Variants in GNB4 observed in about 807,000 individuals in gnomAD.
The protein encoded by GNB4 is guanine nucleotide-binding protein subunit beta-4.
Under a neutral mutation model 45.2 loss-of-function variants are expected in GNB4, and 28 were observed. The ratio of observed to expected loss-of-function variants is 0.62; its 90% confidence interval spans 0.46 to 0.85. The LOEUF is 0.85. Among genes scored for constraint, GNB4 ranks in the 40% least tolerant of loss-of-function variants. GNB4 has a pLI of 0.00. For synonymous variants in GNB4, 132 were observed against 143.7 expected (o/e 0.92, Z 0.58); for missense variants, 321 against 425.4 (o/e 0.75, Z 2.16).
the GNB4 span, among the ~76,000 whole-genome samples, chr3:179,478,148 A>C: frequency 6.6e-6 from 1 of 152,162 alleles, no homozygotes; most frequent in East Asian, 1.9e-4. Flanking sequence ...GACCAAACTC[A>C]CTTCTAGAAC....
the GNB4 span, among the ~76,000 whole-genome samples, chr3:179,489,006 AAAAAAAAAAAAAAATATAT>A: frequency 2.3e-5 from 1 of 43,690 alleles, no homozygotes; most frequent in African/African-American, 1.0e-4. Context: ...AAAAAAAAAA[AAAAAAAAAAAAAAATATAT>A]ATATATATAT....
the GNB4 span, among the ~76,000 whole-genome samples, chr3:179,521,022 G>T: frequency 6.6e-6 from 1 of 152,098 alleles, no homozygotes; most frequent in African/African-American, 2.4e-5. Context: ...AGATTGTTCA[G>T]GCCCCCTCCC....
At chr3:179,448,808 G>A (rs1043102959) in intron 1 of GNB4, among the ~76,000 whole-genome samples, 6 of 152,186 alleles carry the variant, frequency 3.9e-5, no homozygotes, top group Admixed American at 3.3e-4. Flanking sequence ...GCCAGACGCC[G>A]TGGCTCACGC....
rs566643389 is a variant in GNB4, at chr3:179,397,563, T to C, written c.*3650A>G. 2 of 152,748 alleles carry C rather than the reference T, an allele frequency of 1.3e-5. No homozygotes were observed. The highest frequency in any genetic ancestry group is 3.9e-4 in the East Asian group (2 of 5,180). The allele number at this position is 152,748 out of a possible 1,614,324, so 9.5% of individuals were successfully genotyped here. Reference sequence around the variant, plus strand: ...TGAACAGGCCCTTTTGCTGTTGAGATATGAAGCCCAAATCTTTGCCTCTGA... The same window carrying C: ...TGAACAGGCCCTTTTGCTGTTGAGACATGAAGCCCAAATCTTTGCCTCTGA... On this transcript the variant is annotated 3_prime_UTR_variant, in exon 10 of 10. Coordinates refer to ENST00000232564, the MANE Select transcript of GNB4 (RefSeq NM_021629.4).
the GNB4 span, among the ~76,000 whole-genome samples, chr3:179,462,962 A>C: frequency 3.9e-5 from 6 of 152,250 alleles, no homozygotes; most frequent in Admixed American, 3.9e-4. Context: ...AGCAACAAAG[A>C]CAGAAGGGAG....
Position 179,400,197 on chromosome 3 carries a change from C to T in GNB4, c.*1016G>A, listed in dbSNP as rs1463349211. On this transcript the variant is annotated 3_prime_UTR_variant, in exon 10 of 10. Coordinates refer to ENST00000232564, the MANE Select transcript of GNB4 (RefSeq NM_021629.4). ...ACATCAATTCAGATTTTATAGTATG[C>T]AAACATGAAATAAACCACCGTATTA... The T allele has an allele frequency of 1.3e-5, 2 of 152,136 alleles. No individual in the cohort carries two copies. Among genetic ancestry groups the T allele is most frequent in the East Asian group, 3.9e-4 (2 of 5,192 alleles). The allele number at this position is 152,136 out of a possible 1,614,324, so 9.4% of individuals were successfully genotyped here. A position where few individuals can be genotyped will look rare whatever the true frequency, so the allele number is the denominator to read the frequency against.
chr3:179,413,769 C>G lies in GNB4; in HGVS notation c.443G>C (p.Cys148Ser). The change falls in exon 7 of 10, where the codon TGC becomes TCC. Residue 148 changes from cysteine (C) to serine (S), a missense_variant. Transcript: ENST00000232564. ...TTGGCTGTCATCTAAAAAACGACAG[C>G]AGGACAAGTACCCTACAGCATAAAG... ...ELPGHTGYLS[C>S]CRFLDDSQIV... 1 of 1,613,894 alleles carries G rather than the reference C, an allele frequency of 6.2e-7. No individual in the cohort carries two copies. Among genetic ancestry groups the G allele is most frequent in the Non-Finnish European group, 8.5e-7 (1 of 1,179,918 alleles).
rs1714122958 is a variant in GNB4, at chr3:179,396,559, T to C, written c.*4654A>G. The C allele has an allele frequency of 6.6e-6, 1 of 152,206 alleles. No homozygotes were observed. Among genetic ancestry groups the C allele is most frequent in the African/African-American group, 2.4e-5 (1 of 41,446 alleles). 9.4% of individuals were successfully genotyped at this position (152,206 alleles called of 1,614,324 possible). ...TCTATTAATTAAGAAATAAATACTG[T>C]ATGATGTAAGATTTTGTTGAATACA... On this transcript the variant is annotated 3_prime_UTR_variant, in exon 10 of 10. Transcript: ENST00000232564.
At chr3:179,434,458 C>T (rs1326614388) in intron 1 of GNB4, among the ~76,000 whole-genome samples, 2 of 152,080 alleles carry the variant, frequency 1.3e-5, no homozygotes, top group African/African-American at 2.4e-5. Context: ...CAGTGGCTCA[C>T]ACCTGTAATC....
upstream of GNB4, among the ~76,000 whole-genome samples, chr3:179,455,921 G>A (rs771125631): frequency 6.6e-6 from 1 of 152,098 alleles, no homozygotes; most frequent in Non-Finnish European, 1.5e-5. Context: ...TTTTCACGTA[G>A]GGCTTTCCAC....
At chr3:179,508,416 A>G in the GNB4 span, among the ~76,000 whole-genome samples, 19 of 152,210 alleles carry the variant, frequency 1.2e-4, no homozygotes, top group African/African-American at 4.3e-4. Flanking sequence ...TGAGGCTCCC[A>G]TGATCTCTCA....
chr3:179,424,032 A>G (rs2108600692), intron 2 of GNB4, among the ~76,000 whole-genome samples: 1 of 152,324 alleles, frequency 6.6e-6, no homozygotes, highest in South Asian at 2.1e-4. Flanking sequence ...CCAGACTAGT[A>G]TGGCTACAGC....
chr3:179,478,988 G>C, the GNB4 span, among the ~76,000 whole-genome samples: 5 of 152,014 alleles, frequency 3.3e-5, no homozygotes, highest in Non-Finnish European at 4.4e-5. Flanking sequence ...GTTTCCTGAG[G>C]CCTCCCTAGA....
intron 2 of GNB4, among the ~76,000 whole-genome samples, chr3:179,422,898 T>C (rs1283257754): frequency 2.6e-5 from 4 of 152,152 alleles, no homozygotes; most frequent in Non-Finnish European, 5.9e-5. Flanking sequence ...GTTCATGCCA[T>C]TCTCCTGCCT....
the GNB4 span, among the ~76,000 whole-genome samples, chr3:179,520,310 C>T: frequency 1.3e-5 from 2 of 152,052 alleles, no homozygotes; most frequent in African/African-American, 4.8e-5. Context: ...CATAAAAACA[C>T]ACGTGCTCTC....
chr3:179,459,919 A>G, the GNB4 span, among the ~76,000 whole-genome samples: 1 of 152,202 alleles, frequency 6.6e-6, no homozygotes, highest in African/African-American at 2.4e-5. Flanking sequence ...TTGCCCCAAC[A>G]TTTAACCCAA....
intron 1 of GNB4, among the ~76,000 whole-genome samples, chr3:179,432,085 T>C (rs1715325851): frequency 6.6e-6 from 1 of 152,168 alleles, no homozygotes; most frequent in Non-Finnish European, 1.5e-5. Flanking sequence ...CCCCACTTTC[T>C]CACATGAAAT....
the GNB4 span, among the ~76,000 whole-genome samples, chr3:179,489,816 C>A: frequency 2.0e-5 from 3 of 152,136 alleles, no homozygotes; most frequent in South Asian, 6.2e-4. Flanking sequence ...TCATATTAAT[C>A]TATTTTCTAT....
chr3:179,401,999 T>A (rs1714317847), intron 9 of GNB4, among the ~76,000 whole-genome samples: 1 of 152,232 alleles, frequency 6.6e-6, no homozygotes, highest in South Asian at 2.1e-4. Flanking sequence ...ATGCTCAAAA[T>A]TTTTAAATAC....
Sources: allele counts gnomAD v4.1 joint callset (sites outside exome capture counted in the v4.1 genomes callset), GRCh38; gene constraint gnomAD v4.1.1; transcripts MANE v1.5; gene names NCBI Gene and HGNC (gene_info 2026-07-23, HGNC 2026-07-21).